ICE1: variants seen among roughly 807,000 people sequenced by gnomAD.
The protein encoded by ICE1 is little elongation complex subunit 1.
A neutral mutation model predicts 192.7 loss-of-function variants in ICE1; 64 were observed. The ratio of observed to expected loss-of-function variants is 0.33; its 90% CI spans 0.27 to 0.41. The LOEUF is 0.41. Ranked by LOEUF, ICE1 falls within the 10% of genes least tolerant of loss-of-function variation. ICE1 has a pLI of 1.00. For synonymous variants in ICE1, 1,010 were observed against 984.5 expected, an observed-to-expected ratio of 1.03 and a Z score of -0.49; for missense variants, 2,708 against 2,696.0, an observed-to-expected ratio of 1.00 and a Z score of -0.10.
At chr5:5,470,120 C>T (rs546384257) in intron 15 of ICE1, among the ~76,000 whole-genome samples, 14 of 152,126 alleles carry the variant, frequency 9.2e-5, no homozygotes, top group Non-Finnish European at 1.9e-4. Flanking sequence ...ATTACCTGCC[C>T]CAAGAGAGTT....
chr5:5,429,709 C>T (rs1027060803), intron 1 of ICE1, among the ~76,000 whole-genome samples: 2 of 152,218 alleles, frequency 1.3e-5, no homozygotes, highest in African/African-American at 4.8e-5. Flanking sequence ...CATGTCCTCT[C>T]AGCTGGTATG....
intron 12 of ICE1, among the ~76,000 whole-genome samples, chr5:5,459,062 A>G (rs1260674512): frequency 6.6e-6 from 1 of 151,934 alleles, no homozygotes; most frequent in Non-Finnish European, 1.5e-5. Context: ...TTCAGTAGAG[A>G]TGGGGTTTCA....
intron 1 of ICE1, among the ~76,000 whole-genome samples, chr5:5,435,182 G>A (rs1561074011): frequency 6.6e-6 from 1 of 152,192 alleles, no homozygotes; most frequent in East Asian, 1.9e-4. Context: ...TATATGTGGT[G>A]GCAGTTCTGA....
chr5:5,450,007 G>A (rs1738366526), intron 10 of ICE1, among the ~76,000 whole-genome samples: 1 of 152,184 alleles, frequency 6.6e-6, no homozygotes. Flanking sequence ...ACTGCTGAAG[G>A]AATAGCACTA....
At chr5:5,439,229 T>C (rs1367654026) in intron 3 of ICE1, among the ~76,000 whole-genome samples, 2 of 152,208 alleles carry the variant, frequency 1.3e-5, no homozygotes, top group Non-Finnish European at 2.9e-5. Flanking sequence ...ATATAGTTCT[T>C]GTTCTTCAGA....
chr5:5,462,224 A>G lies in ICE1; in HGVS notation c.2890A>G (p.Ile964Val). 1 of 1,610,696 alleles carries G rather than the reference A, an allele frequency of 6.2e-7. No individual in the cohort carries two copies. The highest frequency in any genetic ancestry group is 1.3e-5 in the African/African-American group (1 of 75,036). The change falls in exon 13 of 19, where the codon ATC becomes GTC. Residue 964 changes from isoleucine to valine, a missense_variant. By Grantham distance (29) the Ile-to-Val change is conservative (BLOSUM62 3). Coordinates refer to ENST00000296564, the MANE Select transcript of ICE1 (RefSeq NM_015325.3). ...CAGATTATCTTTCTCTCCTGAAAATATCCTCATCCAAAACCAAGACATTGT... is the reference window on the plus strand; with the variant it reads ...CAGATTATCTTTCTCTCCTGAAAATGTCCTCATCCAAAACCAAGACATTGT... ...NSRLSFSPEN[I>V]LIQNQDIVRE...
At chr5:5,425,036 T>C (rs576804550) in intron 1 of ICE1, among the ~76,000 whole-genome samples, 3 of 152,342 alleles carry the variant, frequency 2.0e-5, no homozygotes, top group Non-Finnish European at 4.4e-5. Flanking sequence ...TGGTTAAATT[T>C]AGCAACTGTA....
At position 5,461,865 on chromosome 5, in the gene ICE1, C is replaced by A; in HGVS notation, c.2531C>A (p.Pro844His). 1 of 1,613,922 alleles carries A rather than the reference C, an allele frequency of 6.2e-7. No homozygotes were observed. Among genetic ancestry groups the A allele is most frequent in the Non-Finnish European group, 8.5e-7 (1 of 1,179,880 alleles). Residue 844 changes from proline to histidine, a missense_variant, in exon 13 of 19, where the codon CCT becomes CAT. Physicochemically the swap from Pro to His is moderately conservative, Grantham distance 77. This residue lies in a region of ICE1 where 2,366 missense variants were observed against 2,276.6 expected (regional missense o/e 1.04). Transcript: ENST00000296564. ...GATCTTCTTAGAGAAAATAACAATC[C>A]TGTAGAATTCAAGACCACTGCATCG... is the stretch of plus-strand genomic sequence containing the variant. ...KPDLLRENNN[P>H]VEFKTTASVL...
At chr5:5,425,349 G>A (rs1737489787) in intron 1 of ICE1, among the ~76,000 whole-genome samples, 1 of 152,210 alleles carries the variant, frequency 6.6e-6, no homozygotes, top group African/African-American at 2.4e-5. Context: ...AAGTATTTAG[G>A]CTTTGGGGAC....
At chr5:5,434,452 T>C (rs1737810907) in intron 1 of ICE1, among the ~76,000 whole-genome samples, 1 of 152,216 alleles carries the variant, frequency 6.6e-6, no homozygotes, top group Non-Finnish European at 1.5e-5. Flanking sequence ...TTACTTTGCA[T>C]ATATTTTATT....
rs1737345651 is a variant in ICE1 at position 5,422,800 on chromosome 5, A to G, written c.-116A>G. ...TCTGTGCACGGATGGACCCGCCCGG[A>G]CCTGGCGGGAAGCGGCCTGGCAGGC... On this transcript the variant is annotated 5_prime_UTR_variant, in exon 1 of 19. Transcript: ENST00000296564. The G allele has an allele frequency of 1.5e-6, 1 of 672,936 alleles. No individual in the cohort carries two copies. Among genetic ancestry groups the G allele is most frequent in the Admixed American group, 4.5e-5 (1 of 22,024 alleles). The allele number at this position is 672,936 out of a possible 1,614,324, so 41.7% of individuals were successfully genotyped here. A position where few individuals can be genotyped will look rare whatever the true frequency, so the allele number is the denominator to read the frequency against.
intron 18 of ICE1, among the ~76,000 whole-genome samples, chr5:5,488,871 G>A (rs537449093): frequency 3.0e-4 from 45 of 152,246 alleles, no homozygotes; most frequent in South Asian, 1.0e-3. Context: ...GTGGGTGACT[G>A]GGATCTTGGA....
intron 10 of ICE1, among the ~76,000 whole-genome samples, chr5:5,452,002 C>A (rs1738433574): frequency 2.0e-5 from 3 of 151,958 alleles, no homozygotes; most frequent in Admixed American, 2.0e-4. Flanking sequence ...AATACTACAG[C>A]TGGGTCAGAG....
Position 5,489,478 on chromosome 5 carries a change from A to G in ICE1, c.*148A>G. 1.5e-6 allele frequency: 1 copy of G among 660,592 alleles called. No homozygotes were observed. Among genetic ancestry groups the G allele is most frequent in the East Asian group, 2.9e-5 (1 of 34,816 alleles). 40.9% of individuals were successfully genotyped at this position (660,592 alleles called of 1,614,324 possible). On this transcript the variant is annotated 3_prime_UTR_variant, in exon 19 of 19. Coordinates refer to ENST00000296564, the MANE Select transcript of ICE1 (RefSeq NM_015325.3). ...CAGAGGCTCTCCTTATTGTTTGGCAAGGAGACAGGAGAAACAAGCAGTCGC... is the reference window on the plus strand; with the variant it reads ...CAGAGGCTCTCCTTATTGTTTGGCAGGGAGACAGGAGAAACAAGCAGTCGC...
chr5:5,460,779 CAAA>C lies in ICE1; in HGVS notation c.1448_1450del (p.Lys483del). 4 of 1,613,964 alleles carry C rather than the reference CAAA, an allele frequency of 2.5e-6. No homozygotes were observed. The highest frequency in any genetic ancestry group is 3.4e-6 in the Non-Finnish European group (4 of 1,179,880). On this transcript the variant is annotated inframe_deletion, in exon 13 of 19. Coordinates refer to ENST00000296564, the MANE Select transcript of ICE1 (RefSeq NM_015325.3). ...AGAAAAAGAGACATTTTACATGAGA[CAAA>C]AACACAAATGGAGGTTAGGGAGATG...
rs768441318 is a variant in ICE1, at chr5:5,473,673, C to T, written c.6338C>T (p.Thr2113Ile). 34 of 1,613,258 alleles carry T rather than the reference C, an allele frequency of 2.1e-5. No homozygotes were observed. Among genetic ancestry groups the T allele is most frequent in the Non-Finnish European group, 2.5e-5 (29 of 1,179,694 alleles). ...TTTGGTGAAGACCTAAGTGATAACA[C>T]TTGGGAATACATATTTGCCATTGAT... ...EKFGEDLSDN[T>I]WEYIFAIDLL... is the part of the protein sequence containing the mutation. The change falls in exon 16 of 19, where the codon ACT becomes ATT. Residue 2113 changes from threonine to isoleucine, a missense_variant. By Grantham distance (89) the Thr-to-Ile change is moderately conservative. Around this residue, in one of 2 missense-constraint regions of ICE1, gnomAD observed 342 missense variants for 419.3 expected, o/e 0.82. Coordinates refer to ENST00000296564, the MANE Select transcript of ICE1 (RefSeq NM_015325.3).
chr5:5,430,080 C>T (rs1737654661), intron 1 of ICE1, among the ~76,000 whole-genome samples: 1 of 152,118 alleles, frequency 6.6e-6, no homozygotes, highest in Non-Finnish European at 1.5e-5. Flanking sequence ...TAAGAGAAAG[C>T]GATAATCGAG....
chr5:5,480,926 C>T (rs534781711), intron 17 of ICE1, among the ~76,000 whole-genome samples: 37 of 152,314 alleles, frequency 2.4e-4, no homozygotes, highest in African/African-American at 8.9e-4. Context: ...GGAAATGAAA[C>T]TATGCCATGT....
At chr5:5,452,082 AT>A (rs1738436693) in intron 10 of ICE1, among the ~76,000 whole-genome samples, 2 of 152,024 alleles carry the variant, frequency 1.3e-5, no homozygotes, top group African/African-American at 4.8e-5. Flanking sequence ...TGGAAAAAAA[AT>A]TTTAACTTGA....
Sources: allele counts gnomAD v4.1 joint callset (sites outside exome capture counted in the v4.1 genomes callset), GRCh38; gene constraint gnomAD v4.1.1; regional missense constraint gnomAD v4.1.1; transcripts MANE v1.5; gene names NCBI Gene and HGNC (gene_info 2026-07-23, HGNC 2026-07-21).